Variants in SEZ6L observed in about 807,000 individuals in gnomAD.
SEZ6L encodes seizure 6-like protein.
In SEZ6L, 37 loss-of-function variants were observed where a neutral mutation model predicts 106.2. The ratio of observed to expected loss-of-function variants is 0.35; its 90% CI spans 0.27 to 0.46. The LOEUF (loss-of-function observed/expected upper bound fraction) is 0.46, where lower values mean the gene tolerates loss of function less well. SEZ6L is among the 20% of genes least tolerant of loss of function. The pLI, the probability that SEZ6L is intolerant of heterozygous loss-of-function variation, is 1.00. For missense variants in SEZ6L, 1,172 were observed against 1,332.8 expected (o/e 0.88, Z 1.88); for synonymous variants, 541 against 570.4 (o/e 0.95, Z 0.73).
chr22:26,211,027 C>T (rs2078142173), intron 1 of SEZ6L, among the ~76,000 whole-genome samples: 1 of 152,188 alleles, frequency 6.6e-6, no homozygotes, highest in Admixed American at 6.5e-5. Flanking sequence ...AGCTCCACTT[C>T]ACTCATCCGC....
At chr22:26,270,195 G>A (rs1389123922) in intron 1 of SEZ6L, among the ~76,000 whole-genome samples, 1 of 152,166 alleles carries the variant, frequency 6.6e-6, no homozygotes, top group East Asian at 1.9e-4. Flanking sequence ...ATGCGTGGTA[G>A]AATGTTTAGC....
chr22:26,278,222 G>A (rs1018457908), intron 1 of SEZ6L, among the ~76,000 whole-genome samples: 6 of 152,218 alleles, frequency 3.9e-5, no homozygotes, highest in Non-Finnish European at 8.8e-5. Context: ...TGAGGGCCAC[G>A]CAAGAAGCAG....
At chr22:26,338,867 C>CTTTTTTTT (rs71192914) in intron 9 of SEZ6L, among the ~76,000 whole-genome samples, 1,382 of 87,426 alleles carry the variant, frequency 0.016, 88 homozygotes, top group African/African-American at 0.056. Flanking sequence ...TTTTTTTTTT[C>CTTTTTTTT]TTTTTTTTTT....
rs117530018 is a variant in SEZ6L, at chr22:26,292,149, G to A, written c.95-257G>A. 6.5e-3 allele frequency: 2,562 copies of A among 394,238 alleles called. 90 individuals carry two copies. The East Asian group carries it at 0.085, about 13-fold the overall frequency. The allele number at this position is 394,238 out of a possible 1,614,324, so 24.4% of individuals were successfully genotyped here. ...GGAGGGAGGAAAGAAAGAAAGAAAG[G>A]AAGGAAGGAAGGAAGGAGGAAGGAA... On this transcript the variant is annotated intron_variant, in intron 1 of 16. Coordinates refer to ENST00000248933, the MANE Select transcript of SEZ6L (RefSeq NM_021115.5).
At chr22:26,210,292 T>G (rs2078120460) in intron 1 of SEZ6L, among the ~76,000 whole-genome samples, 1 of 152,164 alleles carries the variant, frequency 6.6e-6, no homozygotes, top group Non-Finnish European at 1.5e-5. Flanking sequence ...AACTTTTCGG[T>G]GAACTAATCA....
At chr22:26,335,673 T>A (rs1219235041) in intron 9 of SEZ6L, among the ~76,000 whole-genome samples, 1 of 152,194 alleles carries the variant, frequency 6.6e-6, no homozygotes, top group Admixed American at 6.5e-5. Flanking sequence ...GGTTCACAAC[T>A]AGACCCAGGA....
At chr22:26,374,263 C>CT (rs112702936) in intron 14 of SEZ6L, among the ~76,000 whole-genome samples, 8,264 of 141,170 alleles carry the variant, frequency 0.059, 664 homozygotes, top group African/African-American at 0.18. Flanking sequence ...TATATTGTTT[C>CT]TTTTTTTTTT....
chr22:26,302,840 G>A (rs1414936178), intron 5 of SEZ6L, among the ~76,000 whole-genome samples: 2 of 152,214 alleles, frequency 1.3e-5, no homozygotes, highest in East Asian at 1.9e-4. Context: ...AGGCAAAGAA[G>A]GGAAGCAGAG....
At chr22:26,317,453 C>A (rs568671300) in intron 9 of SEZ6L, among the ~76,000 whole-genome samples, 2 of 151,672 alleles carry the variant, frequency 1.3e-5, no homozygotes, top group East Asian at 3.9e-4. Flanking sequence ...TCACAGGGAG[C>A]CTCCCAGATG....
intron 5 of SEZ6L, among the ~76,000 whole-genome samples, chr22:26,301,403 C>A (rs1601431826): frequency 6.6e-6 from 1 of 152,206 alleles, no homozygotes; most frequent in Non-Finnish European, 1.5e-5. Context: ...ATTGCAGGGA[C>A]CCTGACCCAG....
Position 26,293,108 on chromosome 22 carries a change from T to G in SEZ6L, c.797T>G (p.Ile266Ser). 6.3e-7 allele frequency: 1 copy of G among 1,596,738 alleles called. No individual in the cohort carries two copies. The change falls in exon 2 of 17, where the codon ATT becomes AGT. Residue 266 changes from isoleucine (I) to serine (S), a missense_variant. Ile to Ser is a moderately radical substitution (Grantham distance 142, BLOSUM62 -2). Transcript: ENST00000248933. ...EESQETTTSTIITTTVITTEQ... is the reference protein window; with the variant it reads ...EESQETTTSTSITTTVITTEQ... ...AGCCAGGAGACCACTACCTCCACCATTATCACCACCACGGTCATCACCACC... is the reference window on the plus strand; with the variant it reads ...AGCCAGGAGACCACTACCTCCACCAGTATCACCACCACGGTCATCACCACC...
intron 6 of SEZ6L, among the ~76,000 whole-genome samples, chr22:26,308,481 A>T (rs183790222): frequency 1.3e-5 from 2 of 151,072 alleles, no homozygotes; most frequent in African/African-American, 4.9e-5. Context: ...GAGGAGGGAC[A>T]TGAATAAAGA....
intron 1 of SEZ6L, among the ~76,000 whole-genome samples, chr22:26,291,320 C>T (rs531173106): frequency 6.6e-6 from 1 of 152,186 alleles, no homozygotes; most frequent in African/African-American, 2.4e-5. Flanking sequence ...AGACATTATC[C>T]CTAGCAAACT....
rs1343681129 is a variant in SEZ6L, at chr22:26,305,921, T to G, written c.1349-58T>G. 163 of 1,455,854 alleles carry G rather than the reference T, an allele frequency of 1.1e-4. 1 individual carries two copies. The Admixed American group carries it at 2.7e-3, about 24-fold the overall frequency. The allele number at this position is 1,455,854 out of a possible 1,614,324, so 90.2% of individuals were successfully genotyped here. ...CTCTCTCTCTTTCTCTCTGTCTCTC[T>G]CCTCTCTCTCTCCCTCTCTGCTCTC... On this transcript the variant is annotated intron_variant, in intron 5 of 16. Coordinates refer to ENST00000248933, the MANE Select transcript of SEZ6L (RefSeq NM_021115.5).
chr22:26,367,104 G>A lies in SEZ6L; in HGVS notation c.2794+1538G>A, dbSNP rs540287839. On this transcript the variant is annotated intron_variant, in intron 13 of 16. Coordinates refer to ENST00000248933, the MANE Select transcript of SEZ6L (RefSeq NM_021115.5). The stretch of plus-strand genomic sequence containing the variant: ...CAGGGATGCAGAATTCTGTAGGAAC[G>A]TCCATAACGAACTAAAGTCTTTGAT... Among the ~76,000 whole-genome samples, 208 of 152,184 alleles carry A rather than the reference G, an allele frequency of 1.4e-3. 4 individuals are homozygous for A. The highest frequency in any genetic ancestry group is 0.013 in the Admixed American group (206 of 15,272).
At chr22:26,172,554 A>C (rs1938696952) in intron 1 of SEZ6L, among the ~76,000 whole-genome samples, 1 of 152,184 alleles carries the variant, frequency 6.6e-6, no homozygotes, top group Admixed American at 6.5e-5. Flanking sequence ...AATTTATCCA[A>C]TATACCTACT....
In SEZ6L at chr22:26,345,243, G is replaced by A. The variant is rs189791483; in HGVS notation, c.2213-2476G>A. Among the ~76,000 whole-genome samples the A allele has an allele frequency of 3.8e-3, 577 of 152,352 alleles. 23 individuals are homozygous for A. The highest frequency in any genetic ancestry group is 0.036 in the Admixed American group (546 of 15,308). ...TACAGGCCCTGGGATCTGAAGAACA[G>A]GAAGGTTAAGTGACTTAGCCAAGGC... On this transcript the variant is annotated intron_variant, in intron 10 of 16. Transcript: ENST00000248933.
intron 10 of SEZ6L, among the ~76,000 whole-genome samples, chr22:26,344,960 A>G (rs1037831654): frequency 6.6e-6 from 1 of 152,250 alleles, no homozygotes; most frequent in African/African-American, 2.4e-5. Flanking sequence ...CAGTTTTCTA[A>G]TTCTTAGTAA....
At chr22:26,192,017 T>A (rs1008984819) in intron 1 of SEZ6L, among the ~76,000 whole-genome samples, 1 of 146,408 alleles carries the variant, frequency 6.8e-6, no homozygotes, top group African/African-American at 2.6e-5. Flanking sequence ...CATCCATCCA[T>A]CCACTCATTC....
Sources: allele counts gnomAD v4.1 joint callset (sites outside exome capture counted in the v4.1 genomes callset), GRCh38; gene constraint gnomAD v4.1.1; transcripts MANE v1.5; gene names NCBI Gene and HGNC (gene_info 2026-07-23, HGNC 2026-07-21).